CFAP20DC: variants seen among roughly 807,000 people sequenced by gnomAD.
CFAP20DC encodes the protein protein CFAP20DC.
Under a neutral mutation model 101.7 loss-of-function variants are expected in CFAP20DC, and 84 were observed. That is an observed-to-expected ratio of 0.83 (90% confidence interval 0.69 to 0.99). CFAP20DC has a LOEUF of 0.99. Among genes scored for constraint, CFAP20DC ranks in the 50% least tolerant of loss-of-function variants. The pLI, the probability that CFAP20DC is intolerant of heterozygous loss-of-function variation, is 0.00. For synonymous variants in CFAP20DC, 359 were observed against 351.2 expected (o/e 1.02, Z -0.25); for missense variants, 1,007 against 970.3 (o/e 1.04, Z -0.50).
intron 16 of CFAP20DC, among the ~76,000 whole-genome samples, chr3:58,747,404 ATATT>A (rs1312393429): frequency 2.6e-5 from 4 of 152,196 alleles, no homozygotes; most frequent in Admixed American, 1.3e-4. Flanking sequence ...TTAATTATCT[ATATT>A]TAATGCATTT....
At chr3:58,885,906 C>T (rs1196094050) in intron 6 of CFAP20DC, among the ~76,000 whole-genome samples, 4 of 151,966 alleles carry the variant, frequency 2.6e-5, no homozygotes, top group African/African-American at 9.7e-5. Flanking sequence ...ATGAATAGTG[C>T]TGCAATAAAC....
chr3:58,871,390 G>T (rs996287316), intron 7 of CFAP20DC, among the ~76,000 whole-genome samples: 1 of 152,168 alleles, frequency 6.6e-6, no homozygotes, highest in African/African-American at 2.4e-5. Context: ...TAGAGAGAAA[G>T]AGAGCAAAAC....
intron 5 of CFAP20DC, 86 bp downstream of exon 5, chr3:58,937,562 A>G (rs907570632): frequency 1.1e-5 from 9 of 834,082 alleles, no homozygotes; most frequent in Non-Finnish European, 8.2e-6. Flanking sequence ...CGTACTTAAC[A>G]AAGTACCTCA....
chr3:58,782,974 A>C (rs2107582953), intron 15 of CFAP20DC, among the ~76,000 whole-genome samples: 1 of 152,110 alleles, frequency 6.6e-6, no homozygotes, highest in East Asian at 1.9e-4. Context: ...CAAAAAACAA[A>C]ACAAAACAAA....
At chr3:58,932,922 A>T (rs974985041) in intron 5 of CFAP20DC, among the ~76,000 whole-genome samples, 1 of 152,228 alleles carries the variant, frequency 6.6e-6, no homozygotes, top group Admixed American at 6.5e-5. Flanking sequence ...CAGACATAAC[A>T]ATATCAACTT....
At chr3:58,834,608 A>G (rs2076613242) in intron 13 of CFAP20DC, among the ~76,000 whole-genome samples, 1 of 152,118 alleles carries the variant, frequency 6.6e-6, no homozygotes, top group African/African-American at 2.4e-5. Flanking sequence ...CCTTCGTTCC[A>G]CCACTTACCA....
intron 4 of CFAP20DC, among the ~76,000 whole-genome samples, chr3:59,008,670 T>G (rs1056964415): frequency 3.7e-4 from 54 of 146,496 alleles, no homozygotes; most frequent in African/African-American, 1.3e-3. Context: ...TGAGAACACA[T>G]GGACACAGGA....
intron 14 of CFAP20DC, among the ~76,000 whole-genome samples, chr3:58,807,462 G>A (rs1027287168): frequency 2.6e-5 from 4 of 152,228 alleles, no homozygotes; most frequent in Admixed American, 1.3e-4. Flanking sequence ...AATAGGGTCT[G>A]GAGTGGACCT....
chr3:58,773,750 C>A lies in CFAP20DC; in HGVS notation c.2238-19887G>T, dbSNP rs1003935471. 2.6e-5 allele frequency among the ~76,000 whole-genome samples: 4 copies of A among 152,154 alleles called. No homozygotes were observed. In the East Asian group the frequency reaches 7.7e-4, roughly 29 times the overall value. On this transcript the variant is annotated intron_variant, in intron 15 of 16. Coordinates refer to ENST00000482387, the MANE Select transcript of CFAP20DC (RefSeq NM_001394063.1). Reference sequence around the variant, plus strand: ...TTTAATTTAATTTTTAAAAATACATCATTCAAGAGCCTGATTTATTAAAAA... The same window carrying A: ...TTTAATTTAATTTTTAAAAATACATAATTCAAGAGCCTGATTTATTAAAAA...
At chr3:58,905,581 G>T (rs2083510401) in intron 6 of CFAP20DC, among the ~76,000 whole-genome samples, 1 of 152,212 alleles carries the variant, frequency 6.6e-6, no homozygotes, top group Non-Finnish European at 1.5e-5. Flanking sequence ...ACTGTGTAAA[G>T]AGAGAATAGA....
chr3:58,855,048 C>A (rs1286967920), intron 12 of CFAP20DC, among the ~76,000 whole-genome samples: 1 of 147,260 alleles, frequency 6.8e-6, no homozygotes, highest in Admixed American at 6.8e-5. Flanking sequence ...AGTGAACAGG[C>A]AACCTACAAA....
At chr3:58,813,056 T>A (rs182957481) in intron 14 of CFAP20DC, among the ~76,000 whole-genome samples, 2 of 151,980 alleles carry the variant, frequency 1.3e-5, no homozygotes, top group East Asian at 3.9e-4. Flanking sequence ...TAAATATAAT[T>A]TCTATTACCA....
At chr3:59,000,717 C>A (rs1357526771) in intron 4 of CFAP20DC, among the ~76,000 whole-genome samples, 1 of 152,058 alleles carries the variant, frequency 6.6e-6, no homozygotes, top group African/African-American at 2.4e-5. Context: ...GGAGGGCATA[C>A]AGGATGTGAA....
chr3:58,911,250 T>C (rs1007961798), intron 6 of CFAP20DC, among the ~76,000 whole-genome samples: 6 of 152,146 alleles, frequency 3.9e-5, no homozygotes, highest in African/African-American at 1.4e-4. Flanking sequence ...GGTATATCCA[T>C]TCAATAGCAT....
rs182366507 is a variant in CFAP20DC, at chr3:59,006,781, G to T, written c.278+32776C>A. Among the ~76,000 whole-genome samples, 5 of 152,176 alleles carry T rather than the reference G, an allele frequency of 3.3e-5. No individual in the cohort carries two copies. The highest frequency in any genetic ancestry group is 7.4e-5 in the Non-Finnish European group (5 of 68,026). On this transcript the variant is annotated intron_variant, in intron 4 of 16. Coordinates refer to ENST00000482387, the MANE Select transcript of CFAP20DC (RefSeq NM_001394063.1). This position sits in a 1 kb window ranked among gnomAD's most constrained non-coding sequence, Gnocchi z 4.3. ...TGAATGAAGCTTCCAACTAAATTTT[G>T]TAATAGTTTCAACTGGACACAAGCT...
At position 58,797,608 on chromosome 3, in the gene CFAP20DC, A is replaced by G. The variant is rs140519390; in HGVS notation, c.2237+8787T>C. ...AAGTTATCCAGGAGATCTAGCTACA[A>G]TCATTGATGAAGGTGACTACATTAA... On this transcript the variant is annotated intron_variant, in intron 15 of 16. Coordinates refer to ENST00000482387, the MANE Select transcript of CFAP20DC (RefSeq NM_001394063.1). 4.1e-3 allele frequency among the ~76,000 whole-genome samples: 631 copies of G among 152,330 alleles called. 4 individuals are homozygous for G. Among genetic ancestry groups the G allele is most frequent in the Middle Eastern group, 6.8e-3 (2 of 294 alleles).
intron 7 of CFAP20DC, among the ~76,000 whole-genome samples, chr3:58,873,991 T>A (rs1423259774): frequency 6.6e-6 from 1 of 152,234 alleles, no homozygotes; most frequent in Non-Finnish European, 1.5e-5. Flanking sequence ...GAAGCAGAAG[T>A]CTGGATAGCT....
intron 7 of CFAP20DC, among the ~76,000 whole-genome samples, chr3:58,870,590 T>C (rs56722956): frequency 6.9e-6 from 1 of 144,680 alleles, no homozygotes; most frequent in Non-Finnish European, 1.5e-5. Flanking sequence ...AGTTTTTCTT[T>C]AAAAAAAAAA....
chr3:58,978,500 G>C (rs1576567177), intron 4 of CFAP20DC, among the ~76,000 whole-genome samples: 1 of 152,054 alleles, frequency 6.6e-6, no homozygotes, highest in East Asian at 1.9e-4. Flanking sequence ...CATGATGCTA[G>C]GAGTTCGAGA....
Sources: allele counts gnomAD v4.1 joint callset (sites outside exome capture counted in the v4.1 genomes callset), GRCh38; gene constraint gnomAD v4.1.1; non-coding constraint Gnocchi (gnomAD v3.1); transcripts MANE v1.5; gene names NCBI Gene and HGNC (gene_info 2026-07-23, HGNC 2026-07-21).